CSMD1: variants seen among roughly 807,000 people sequenced by gnomAD.
The protein encoded by CSMD1 is CUB and sushi domain-containing protein 1.
Under a neutral mutation model 417.5 loss-of-function variants are expected in CSMD1, and 213 were observed. The observed-to-expected ratio is 0.51, with a 90% CI of 0.46 to 0.57. The LOEUF (loss-of-function observed/expected upper bound fraction) is 0.57, where lower values mean the gene tolerates loss of function less well. CSMD1 is among the 20% of genes least tolerant of loss of function. CSMD1 has a pLI of 0.00. For synonymous variants in CSMD1, 2,862 were observed against 1,736.8 expected (o/e 1.65, Z -16.11); for missense variants, 6,923 against 4,529.7 (o/e 1.53, Z -15.17).
chr8:3,837,941 CTTTAA>C (rs1412840888), intron 5 of CSMD1, among the ~76,000 whole-genome samples: 1 of 152,026 alleles, frequency 6.6e-6, no homozygotes, highest in African/African-American at 2.4e-5. Context: ...AATAAATGTC[CTTTAA>C]TTTATTTCTT....
At chr8:4,295,161 T>C (rs1797593268) in intron 3 of CSMD1, among the ~76,000 whole-genome samples, 2 of 144,940 alleles carry the variant, frequency 1.4e-5, no homozygotes, top group East Asian at 2.1e-4. Flanking sequence ...TACGCACATA[T>C]AATCTTAAGA....
At chr8:3,790,246 A>T (rs1467132155) in intron 5 of CSMD1, among the ~76,000 whole-genome samples, 1 of 152,210 alleles carries the variant, frequency 6.6e-6, no homozygotes, top group Non-Finnish European at 1.5e-5. Flanking sequence ...GGAAGAGTGC[A>T]TTATCAATCA....
At chr8:4,345,424 T>C (rs1333721452) in intron 3 of CSMD1, among the ~76,000 whole-genome samples, 1 of 151,978 alleles carries the variant, frequency 6.6e-6, no homozygotes, top group African/African-American at 2.4e-5. Flanking sequence ...TGTATAGTGA[T>C]CAAATCAGGA....
intron 23 of CSMD1, among the ~76,000 whole-genome samples, chr8:3,322,475 C>G (rs932514572): frequency 3.3e-5 from 5 of 152,096 alleles, no homozygotes; most frequent in Admixed American, 6.5e-5. Context: ...TCTTGTTTTA[C>G]GCTAAATTGC....
intron 3 of CSMD1, among the ~76,000 whole-genome samples, chr8:4,162,759 CA>C (rs2131101984): frequency 6.6e-6 from 1 of 152,232 alleles, no homozygotes; most frequent in Non-Finnish European, 1.5e-5. Context: ...CATTATCATC[CA>C]AACCCCCAGT....
In CSMD1 at chr8:4,039,016, T is replaced by C. The variant is rs1017955394; in HGVS notation, c.416-6917A>G. Among the ~76,000 whole-genome samples the C allele has an allele frequency of 2.0e-5, 3 of 151,710 alleles. No homozygotes were observed. In the East Asian group the frequency reaches 5.9e-4, roughly 30 times the overall value. ...TTTCAATGGTTAAGTGGATGTCATA[T>C]TAAGTATCTTTCCAAAAGAAAAGTG... On this transcript the variant is annotated intron_variant, in intron 3 of 69. Transcript: ENST00000635120.
chr8:4,465,247 C>G (rs1484352970), intron 2 of CSMD1, among the ~76,000 whole-genome samples: 1 of 152,146 alleles, frequency 6.6e-6, no homozygotes, highest in Non-Finnish European at 1.5e-5. Context: ...GAGTATGTGT[C>G]TCTTTCATCT....
intron 23 of CSMD1, among the ~76,000 whole-genome samples, chr8:3,339,959 A>C (rs1048698779): frequency 6.6e-6 from 1 of 152,204 alleles, no homozygotes; most frequent in African/African-American, 2.4e-5. Flanking sequence ...TTTTGGTCTG[A>C]CTTACTATTC....
intron 2 of CSMD1, among the ~76,000 whole-genome samples, chr8:4,571,326 A>G (rs1798883139): frequency 2.6e-5 from 4 of 152,170 alleles, no homozygotes; most frequent in Admixed American, 2.6e-4. Context: ...TGTCCCAGAG[A>G]TTCTGGTACA....
chr8:3,615,998 T>G (rs952392595), intron 8 of CSMD1, among the ~76,000 whole-genome samples: 1 of 152,218 alleles, frequency 6.6e-6, no homozygotes, highest in Non-Finnish European at 1.5e-5. Context: ...ATAATCCTAG[T>G]AAAATGATAT....
chr8:3,535,307 G>T (rs528023968), intron 10 of CSMD1, among the ~76,000 whole-genome samples: 4 of 152,058 alleles, frequency 2.6e-5, no homozygotes, highest in Admixed American at 6.5e-5. Context: ...GCTTTTGGCC[G>T]TACTTTCTAT....
intron 3 of CSMD1, among the ~76,000 whole-genome samples, chr8:4,062,390 G>C (rs1563072505): frequency 2.6e-5 from 4 of 152,052 alleles, no homozygotes; most frequent in Admixed American, 2.6e-4. Flanking sequence ...CAATAAGAGG[G>C]CAATGAGACC....
At chr8:4,354,877 T>C (rs956460575) in intron 3 of CSMD1, among the ~76,000 whole-genome samples, 3 of 142,644 alleles carry the variant, frequency 2.1e-5, no homozygotes, top group Non-Finnish European at 3.0e-5. Context: ...TGTGTGTGTG[T>C]GTGTGTGTGT....
intron 62 of CSMD1, 117 bp from the exon 63 acceptor site, chr8:2,957,924 G>C (rs1803134542): frequency 1.5e-6 from 1 of 679,316 alleles, no homozygotes; most frequent in South Asian, 1.8e-5. Context: ...TCAGGTTAAT[G>C]TCAAGCCACT....
rs549538334 is a variant in CSMD1 at position 4,145,066 on chromosome 8, T to C, written c.416-112967A>G. 7.3e-5 allele frequency among the ~76,000 whole-genome samples: 11 copies of C among 151,296 alleles called. No individual in the cohort carries two copies. In the South Asian group the frequency reaches 2.3e-3, roughly 31 times the overall value. On this transcript the variant is annotated intron_variant, in intron 3 of 69. Coordinates refer to ENST00000635120, the MANE Select transcript of CSMD1 (RefSeq NM_033225.6). ...AAAATATTTTTAAATGTTTCTAAAA[T>C]ACAAAGATTTAAGGATGTTAAAAAT...
At chr8:3,225,082 C>G (rs1256700685) in intron 27 of CSMD1, among the ~76,000 whole-genome samples, 2 of 152,104 alleles carry the variant, frequency 1.3e-5, no homozygotes, top group African/African-American at 2.4e-5. Flanking sequence ...GCTGATTTTT[C>G]CCCTATACAA....
chr8:3,892,496 G>C (rs552113183), intron 5 of CSMD1, among the ~76,000 whole-genome samples: 11 of 151,796 alleles, frequency 7.2e-5, no homozygotes, highest in East Asian at 3.9e-4. Context: ...GGATCTAAGA[G>C]ACCGTGCATC....
chr8:4,710,789 G>C (rs1193002397), intron 1 of CSMD1, among the ~76,000 whole-genome samples: 1 of 151,740 alleles, frequency 6.6e-6, no homozygotes, highest in Non-Finnish European at 1.5e-5. Context: ...AGGATGACAT[G>C]AGCCAAGATC....
At chr8:3,867,808 A>T (rs1805207811) in intron 5 of CSMD1, among the ~76,000 whole-genome samples, 2 of 152,038 alleles carry the variant, frequency 1.3e-5, no homozygotes, top group South Asian at 4.1e-4. Context: ...CTCACATTCC[A>T]ACTGACCTTC....
Sources: gnomAD v4.1 joint callset for allele counts (sites outside exome capture counted in the v4.1 genomes callset) on GRCh38, gnomAD v4.1.1 for gene constraint, MANE v1.5 for transcripts, NCBI Gene and HGNC (gene_info 2026-07-23, HGNC 2026-07-21) for gene names.